Variants in RTN3 observed in about 807,000 individuals in gnomAD.
RTN3 encodes reticulon 3.
A neutral mutation model predicts 77.8 loss-of-function variants in RTN3; 49 were observed. The observed-to-expected ratio is 0.63, with a 90% CI of 0.50 to 0.80. The LOEUF (loss-of-function observed/expected upper bound fraction) is 0.80. Ranked by LOEUF, RTN3 falls within the 30% of genes least tolerant of loss-of-function variation. RTN3 has a pLI of 0.00. For synonymous variants in RTN3, 464 were observed against 446.9 expected (o/e 1.04, Z -0.48); for missense variants, 1,236 against 1,211.9 (o/e 1.02, Z -0.29).
intron 3 of RTN3, among the ~76,000 whole-genome samples, chr11:63,722,222 T>C (rs2011869856): frequency 6.6e-6 from 1 of 152,184 alleles, no homozygotes; most frequent in Non-Finnish European, 1.5e-5. Context: ...TCTGTGGTTT[T>C]TAAACTATTT....
In RTN3 at chr11:63,744,009, C is replaced by T. The variant is rs565940367; in HGVS notation, c.2531-5982C>T. Among the ~76,000 whole-genome samples, 5 of 148,694 alleles carry T rather than the reference C, an allele frequency of 3.4e-5. No individual in the cohort carries two copies. In the East Asian group the frequency reaches 8.2e-4, roughly 24 times the overall value. On this transcript the variant is annotated intron_variant, in intron 3 of 8. Coordinates refer to ENST00000377819, the MANE Select transcript of RTN3 (RefSeq NM_001265589.2). Reference sequence around the variant, plus strand: ...CTGTAATTCCAGTGCTTTGGGAGGCCGAGGCAGGCAGATCACGAGGTCAGG... The same window carrying T: ...CTGTAATTCCAGTGCTTTGGGAGGCTGAGGCAGGCAGATCACGAGGTCAGG...
chr11:63,707,262 A>G (rs186047704), intron 2 of RTN3, among the ~76,000 whole-genome samples: 1 of 151,788 alleles, frequency 6.6e-6, no homozygotes, highest in East Asian at 1.9e-4. Context: ...GGTGTAACCC[A>G]TGGCTTACAT....
At chr11:63,716,792 C>T (rs1171500834) in intron 2 of RTN3, among the ~76,000 whole-genome samples, 4 of 151,940 alleles carry the variant, frequency 2.6e-5, no homozygotes, top group African/African-American at 9.7e-5. Flanking sequence ...GGTGAAACCC[C>T]GTCTCTACTA....
intron 3 of RTN3, among the ~76,000 whole-genome samples, chr11:63,734,895 A>G (rs576713973): frequency 2.6e-4 from 39 of 152,332 alleles, no homozygotes; most frequent in Middle Eastern, 6.8e-3. Flanking sequence ...GATTGTTTAC[A>G]TAGAAAATCC....
At position 63,735,550 on chromosome 11, in the gene RTN3, T is replaced by TTCTCTCTCTCTCTCTCTCTCTCTCTC. The variant is rs71468640; in HGVS notation, c.2531-14415_2531-14390dup. Among the ~76,000 whole-genome samples the TTCTCTCTCTCTCTCTCTCTCTCTCTC allele has an allele frequency of 4.2e-4, 18 of 42,732 alleles. 3 individuals carry two copies. The highest frequency in any genetic ancestry group is 1.3e-3 in the East Asian group (2 of 1,524). The allele number at this position is 42,732 out of a possible 152,430, so 28.0% of individuals were successfully genotyped here. A position where few individuals can be genotyped will look rare whatever the true frequency, so the allele number is the denominator to read the frequency against. On this transcript the variant is annotated intron_variant, in intron 3 of 8. Coordinates refer to ENST00000377819, the MANE Select transcript of RTN3 (RefSeq NM_001265589.2). ...AATTCAAAGTCCCAGATTCTAACAT[T>TTCTCTCTCTCTCTCTCTCTCTCTCTC]TCTCTCTCTCTCTCTCTCTCTCTCT...
chr11:63,720,663 G>A lies in RTN3; in HGVS notation c.2161G>A (p.Glu721Lys). ...ACAAAGCAAAGAAACAAATGGAAGT[G>A]AGCCTCTAGGTGTTTTCCCTACCCA... The part of the protein sequence containing the change: ...SEQSKETNGS[E>K]PLGVFPTQGT... The change falls in exon 3 of 9, where the codon GAG (glutamate) becomes AAG (lysine). Residue 721 changes from glutamate to lysine, a missense_variant. By Grantham distance (56) the Glu-to-Lys change is moderately conservative. Coordinates refer to ENST00000377819, the MANE Select transcript of RTN3 (RefSeq NM_001265589.2). The A allele has an allele frequency of 6.2e-7, 1 of 1,614,122 alleles. No individual in the cohort carries two copies. Among genetic ancestry groups the A allele is most frequent in the Non-Finnish European group, 8.5e-7 (1 of 1,180,024 alleles).
intron 4 of RTN3, among the ~76,000 whole-genome samples, chr11:63,751,638 C>A (rs918634185): frequency 4.6e-5 from 7 of 151,910 alleles, no homozygotes; most frequent in Admixed American, 3.3e-4. Context: ...CACCTGTGCT[C>A]CTTGTATTTT....
At chr11:63,717,821 C>T (rs1170520685) in intron 2 of RTN3, among the ~76,000 whole-genome samples, 1 of 151,588 alleles carries the variant, frequency 6.6e-6, no homozygotes, top group Non-Finnish European at 1.5e-5. Flanking sequence ...AAGAGACCAG[C>T]CTGGCCAACA....
Position 63,681,582 on chromosome 11 carries a change from C to T in RTN3, c.-55C>T. The T allele has an allele frequency of 5.3e-6, 8 of 1,507,812 alleles. No individual in the cohort carries two copies. The highest frequency in any genetic ancestry group is 7.1e-6 in the Non-Finnish European group (8 of 1,124,908). 93.4% of individuals were successfully genotyped at this position (1,507,812 alleles called of 1,614,324 possible). A position where few individuals can be genotyped will look rare whatever the true frequency, so the allele number is the denominator to read the frequency against. On this transcript the variant is annotated 5_prime_UTR_variant, in exon 1 of 9. Coordinates refer to ENST00000377819, the MANE Select transcript of RTN3 (RefSeq NM_001265589.2). The stretch of plus-strand genomic sequence containing the variant: ...TGCCGGATTATTCTATTTCCCCTCC[C>T]TCTCTCCCGCCCCGTATCTCTTTTC...
rs1941037388 is a variant in RTN3 at position 63,681,569 on chromosome 11, C to G, written c.-68C>G. 2.1e-5 allele frequency: 31 copies of G among 1,468,456 alleles called. No homozygotes were observed. Among genetic ancestry groups the G allele is most frequent in the Non-Finnish European group, 2.8e-5 (31 of 1,096,448 alleles). The allele number at this position is 1,468,456 out of a possible 1,614,324, so 91.0% of individuals were successfully genotyped here. The stretch of plus-strand genomic sequence containing the variant: ...TGAGCGAGCCAGTTGCCGGATTATT[C>G]TATTTCCCCTCCCTCTCTCCCGCCC... On this transcript the variant is annotated 5_prime_UTR_variant, in exon 1 of 9. Transcript: ENST00000377819.
rs1565048051 is a variant in RTN3 at position 63,753,649 on chromosome 11, TTCTG to T, written c.2948-9_2948-6del. The T allele has an allele frequency of 4.3e-6, 7 of 1,612,502 alleles. No individual in the cohort carries two copies. The highest frequency in any genetic ancestry group is 5.9e-6 in the Non-Finnish European group (7 of 1,178,642). On this transcript the variant is annotated splice_polypyrimidine_tract_variant and intron_variant, in intron 6 of 8. Transcript: ENST00000377819. ...CATATACACTTGCCATGTCCCATGA[TTCTG>T]TCTTACAGCTGAACTGCTCATTTTC...
chr11:63,758,191 A>G lies in RTN3; in HGVS notation c.3089A>G (p.Lys1030Arg), dbSNP rs1405353264. 6.2e-7 allele frequency: 1 copy of G among 1,610,608 alleles called. No homozygotes were observed. The highest frequency in any genetic ancestry group is 8.5e-7 in the Non-Finnish European group (1 of 1,179,080). ...AAACTCCCTGGAATCGCCAAAAAAA[A>G]GGCAGAATAAGTACATGGAAACCAG... ...QAKLPGIAKK[K>R]AE The change falls in exon 9 of 9, where the codon AAG (lysine) becomes AGG (arginine). Residue 1030 changes from lysine to arginine, a missense_variant. Lys to Arg is a conservative substitution (Grantham distance 26). Transcript: ENST00000377819.
chr11:63,736,973 CTTT>C lies in RTN3; in HGVS notation c.2531-13004_2531-13002del, dbSNP rs542211160. ...GAGTCTTGGAAGCTATCATAGAATC[CTTT>C]TTTTTTTTTTTTTCCCTGTGATAGG... On this transcript the variant is annotated intron_variant, in intron 3 of 8. Transcript: ENST00000377819. Among the ~76,000 whole-genome samples, 978 of 140,680 alleles carry C rather than the reference CTTT, an allele frequency of 7.0e-3. 11 individuals are homozygous for C. The highest frequency in any genetic ancestry group is 0.024 in the African/African-American group (924 of 38,220). 92.3% of individuals were successfully genotyped at this position (140,680 alleles called of 152,430 possible). A position where few individuals can be genotyped will look rare whatever the true frequency, so the allele number is the denominator to read the frequency against.
rs752935644 is a variant in RTN3, at chr11:63,750,129, C to G, written c.2669C>G (p.Thr890Ser). 6 of 1,612,794 alleles carry G rather than the reference C, an allele frequency of 3.7e-6. No homozygotes were observed. The highest frequency in any genetic ancestry group is 5.1e-6 in the Non-Finnish European group (6 of 1,179,358). ...CTCATCCTGGCTCTTCTCTCTGTCA[C>G]CATCAGCTTCAGGATCTACAAGTCC... ...SYLILALLSVTISFRIYKSVI... is the reference protein window; with the variant it reads ...SYLILALLSVSISFRIYKSVI... The change falls in exon 4 of 9, where the codon ACC becomes AGC. Residue 890 changes from threonine to serine, a missense_variant. This residue lies in a region of RTN3 where 39 missense variants were observed against 66.6 expected (regional missense o/e 0.59). Coordinates refer to ENST00000377819, the MANE Select transcript of RTN3 (RefSeq NM_001265589.2).
intron 8 of RTN3, 115 bp downstream of exon 8, chr11:63,756,285 A>G (rs754314192): frequency 1.0e-5 from 7 of 694,122 alleles, no homozygotes; most frequent in Non-Finnish European, 1.5e-5. Flanking sequence ...TTTGATAAAA[A>G]CCTTAGTTAA....
At chr11:63,691,827 C>T (rs997960360) in intron 1 of RTN3, among the ~76,000 whole-genome samples, 1 of 152,174 alleles carries the variant, frequency 6.6e-6, no homozygotes, top group African/African-American at 2.4e-5. Context: ...GGTCTCCCTG[C>T]TTTCTCCTTT....
chr11:63,748,158 A>T (rs2013903692), intron 3 of RTN3, among the ~76,000 whole-genome samples: 1 of 151,410 alleles, frequency 6.6e-6, no homozygotes. Flanking sequence ...GTCTCAAAAA[A>T]AAAAATAAAA....
chr11:63,731,942 C>T (rs938790156), intron 3 of RTN3, among the ~76,000 whole-genome samples: 4 of 152,054 alleles, frequency 2.6e-5, no homozygotes, highest in East Asian at 1.9e-4. Context: ...TGAGCCACTG[C>T]GCCCAGCCAT....
At chr11:63,685,547 G>A (rs1941324881) in intron 1 of RTN3, among the ~76,000 whole-genome samples, 1 of 149,388 alleles carries the variant, frequency 6.7e-6, no homozygotes, top group African/African-American at 2.5e-5. Flanking sequence ...TATTGCAGAA[G>A]CCTTTCCTCC....
Sources: allele counts gnomAD v4.1 joint callset (sites outside exome capture counted in the v4.1 genomes callset), GRCh38; gene constraint gnomAD v4.1.1; regional missense constraint gnomAD v4.1.1; transcripts MANE v1.5; gene names NCBI Gene and HGNC (gene_info 2026-07-23, HGNC 2026-07-21).